The following ARAF variants were observed in gnomAD, a reference collection of about 807,000 sequenced individuals.
ARAF encodes the protein A-Raf proto-oncogene, serine/threonine kinase, also known as serine/threonine-protein kinase A-Raf.
Under a neutral mutation model 48.0 loss-of-function variants are expected in ARAF, and 18 were observed. The ratio of observed to expected loss-of-function variants is 0.37; its 90% CI spans 0.26 to 0.56. The LOEUF is 0.56. Ranked by LOEUF, ARAF falls within the 20% of genes least tolerant of loss-of-function variation. The pLI is 0.77. For synonymous variants in ARAF, 207 were observed against 220.1 expected, an observed-to-expected ratio of 0.94 and a Z score of 0.53; for missense variants, 389 against 543.1, an observed-to-expected ratio of 0.72 and a Z score of 2.82.
At chrX:47,568,095 A>G (rs750935189) in intron 10 of ARAF, among the ~76,000 whole-genome samples, 1 of 110,901 alleles carries the variant, frequency 9.0e-6, no homozygotes, top group Non-Finnish European at 1.9e-5. Context: ...ATTATGTTAC[A>G]GAGAATAAGG....
chrX:47,569,445 G>A (rs761816551), intron 12 of ARAF, 94 bp from the exon 13 acceptor site: 6 of 706,598 alleles, frequency 8.5e-6, no homozygotes, highest in Non-Finnish European at 1.1e-5. Flanking sequence ...AGGATCAGAG[G>A]GATGAGTGGT....
At chrX:47,567,574 G>A in intron 10 of ARAF, 142 bp downstream of exon 10, 1 of 667,890 alleles carries the variant, frequency 1.5e-6, no homozygotes, top group Non-Finnish European at 2.3e-6. Context: ...TCTCTCTGAA[G>A]GGTGTCCCTT....
At chrX:47,567,657 T>G (rs1011137079) in intron 10 of ARAF, among the ~76,000 whole-genome samples, 2 of 111,691 alleles carry the variant, frequency 1.8e-5, no homozygotes, top group Non-Finnish European at 3.8e-5. Flanking sequence ...TATTAATGAA[T>G]GGTTCTGCCT....
chrX:47,566,201 A>G (rs962272187), intron 6 of ARAF, among the ~76,000 whole-genome samples: 1 of 111,881 alleles, frequency 8.9e-6, no homozygotes, highest in Non-Finnish European at 1.9e-5. Flanking sequence ...ATATAATTAT[A>G]AAATATGATA....
chrX:47,564,300 C>A (rs1344596896), intron 3 of ARAF, among the ~76,000 whole-genome samples: 1 of 112,073 alleles, frequency 8.9e-6, no homozygotes, highest in African/African-American at 3.2e-5. Flanking sequence ...TTTGTCCTTT[C>A]ACGATGTCAT....
chrX:47,571,450 T>A lies in ARAF; in HGVS notation c.1814T>A (p.Val605Glu). 8.3e-7 allele frequency: 1 copy of A among 1,203,776 alleles called. No individual in the cohort carries two copies. The highest frequency in any genetic ancestry group is 1.1e-6 in the Non-Finnish European group (1 of 891,705). Residue 605 changes from valine to glutamate, a missense_variant, in exon 16 of 16, where the codon GTG (valine) becomes GAG (glutamate). Coordinates refer to ENST00000377045, the MANE Select transcript of ARAF (RefSeq NM_001654.5). ...PACLLSAARLVP is the reference protein window; with the variant it reads ...PACLLSAARLEP ...TGCCTACTCAGCGCAGCCCGCCTTG[T>A]GCCTTAGGCCCCGCCCAAGCCACCA...
In ARAF at chrX:47,565,061, C is replaced by G. The variant is rs1267267075; in HGVS notation, c.380C>G (p.Thr127Ser). 1 of 1,211,691 alleles carries G rather than the reference C, an allele frequency of 8.3e-7. No individual in the cohort carries two copies. The highest frequency in any genetic ancestry group is 2.2e-5 in the Admixed American group (1 of 46,035). The change falls in exon 5 of 16, where the codon ACC (threonine) becomes AGC (serine). Residue 127 changes from threonine to serine, a missense_variant. Coordinates refer to ENST00000377045, the MANE Select transcript of ARAF (RefSeq NM_001654.5). ...CTGTTCCATGGCTTCCGTTGCCAAA[C>G]CTGTGGCTACAAGTTCCACCAGCAT... ...KFLFHGFRCQ[T>S]CGYKFHQHCS...
chrX:47,562,759 A>C (rs2057715601), intron 1 of ARAF, 150 bp from the exon 2 acceptor site: 5 of 399,888 alleles, frequency 1.3e-5, no homozygotes, highest in Non-Finnish European at 2.2e-5. Flanking sequence ...GAAGGACTTC[A>C]GATGTGAGCA....
intron 13 of ARAF, 49 bp from the exon 14 acceptor site, chrX:47,569,844 G>T: frequency 8.4e-7 from 1 of 1,187,089 alleles, no homozygotes. Flanking sequence ...CTGTGGACCA[G>T]CCATTTGCTG....
intron 14 of ARAF, 21 bp from the exon 15 acceptor site, chrX:47,570,857 C>T: frequency 8.3e-7 from 1 of 1,199,616 alleles, no homozygotes; most frequent in South Asian, 1.8e-5. Context: ...TCACCCCTTT[C>T]CTGCCCCCGT....
In ARAF at chrX:47,564,866, C is replaced by T. The variant is rs1423487801; in HGVS notation, c.270C>T (p.Val90=). 3.3e-6 allele frequency: 4 copies of T among 1,211,296 alleles called. No individual in the cohort carries two copies. The East Asian group carries it at 1.2e-4, about 36-fold the overall frequency. ...PLDGEELIVE[V]LEDVPLTMHN... is the part of the protein sequence containing the mutation. ...ATGGCGAGGAGCTCATTGTCGAGGT[C>T]CTTGAAGATGTCCCGCTGACCATGC... is the stretch of plus-strand genomic sequence containing the variant. Residue 90 remains valine, a synonymous_variant, in exon 4 of 16, where the codon GTC becomes GTT. Coordinates refer to ENST00000377045, the MANE Select transcript of ARAF (RefSeq NM_001654.5).
chrX:47,565,093 T>G lies in ARAF; in HGVS notation c.412T>G (p.Ser138Ala). 1 of 1,211,439 alleles carries G rather than the reference T, an allele frequency of 8.3e-7. No individual in the cohort carries two copies. The highest frequency in any genetic ancestry group is 1.1e-6 in the Non-Finnish European group (1 of 895,393). Residue 138 changes from serine to alanine, a missense_variant, in exon 5 of 16, where the codon TCC becomes GCC. Coordinates refer to ENST00000377045, the MANE Select transcript of ARAF (RefSeq NM_001654.5). ...CTACAAGTTCCACCAGCATTGTTCC[T>G]CCAAGGTCCCCACAGTCTGTGTTGA... ...CGYKFHQHCS[S>A]KVPTVCVDMS...
chrX:47,563,221 C>T lies in ARAF; in HGVS notation c.97-5C>T, dbSNP rs774386947. ...GAGGACCCCTACATCTGCACATACA[C>T]ACAGGTGACTGTCCGGGATGGCATG... On this transcript the variant is annotated splice_polypyrimidine_tract_variant and splice_region_variant and intron_variant, in intron 2 of 15. Transcript: ENST00000377045. The T allele has an allele frequency of 3.3e-5, 40 of 1,206,216 alleles. No homozygotes were observed. The South Asian group carries it at 6.4e-4, about 19-fold the overall frequency.
rs201394917 is a variant in ARAF, at chrX:47,565,162, G to T, written c.458+23G>T. On this transcript the variant is annotated intron_variant, in intron 5 of 15. Transcript: ENST00000377045. The stretch of plus-strand genomic sequence containing the variant: ...ACAGTGAGCCCAGCCTGGGGTGGGT[G>T]GGGGGATGGGGAGCACAGAGGCCCA... The T allele has an allele frequency of 1.2e-5, 15 of 1,206,621 alleles. No homozygotes were observed. The Admixed American group carries it at 3.1e-4, about 25-fold the overall frequency.
At position 47,565,353 on chromosome X, in the gene ARAF, A is replaced by C; in HGVS notation, c.557+3A>C. 2 of 1,208,796 alleles carry C rather than the reference A, an allele frequency of 1.7e-6. No individual in the cohort carries two copies. The highest frequency in any genetic ancestry group is 2.2e-6 in the Non-Finnish European group (2 of 893,270). ...TTGCTAACCCCCCAGGGTCCCAGGTAGGGATGCCTTAGCTGAAGAGCTGCT... is the reference window on the plus strand; with the variant it reads ...TTGCTAACCCCCCAGGGTCCCAGGTCGGGATGCCTTAGCTGAAGAGCTGCT... On this transcript the variant is annotated splice_donor_region_variant and intron_variant, in intron 6 of 15. Transcript: ENST00000377045.
At chrX:47,571,287 C>CA in intron 15 of ARAF, 36 bp from the exon 16 acceptor site, 1 of 1,191,804 alleles carries the variant, frequency 8.4e-7, no homozygotes, top group South Asian at 1.9e-5. Flanking sequence ...GCCCACAGGG[C>CA]TCTGGACACC....
At chrX:47,565,519 C>A in intron 6 of ARAF, 169 bp downstream of exon 6, 1 of 813,932 alleles carries the variant, frequency 1.2e-6, no homozygotes, top group Non-Finnish European at 1.7e-6. Context: ...CCTCATTTCT[C>A]TGGGCCTCAG....
Position 47,571,501 on chromosome X carries a change from C to T in ARAF, c.*44C>T. The T allele has an allele frequency of 1.7e-6, 2 of 1,174,904 alleles. No individual in the cohort carries two copies. Among genetic ancestry groups the T allele is most frequent in the Admixed American group, 4.8e-5 (2 of 42,088 alleles). On this transcript the variant is annotated 3_prime_UTR_variant, in exon 16 of 16. Transcript: ENST00000377045. ...GGGAGCCAATCTCAGCCCTCCACGC[C>T]AAGGAGCCTTGCCCACCAGCCAATC...
At chrX:47,567,895 T>C (rs1272616299) in intron 10 of ARAF, among the ~76,000 whole-genome samples, 2 of 111,631 alleles carry the variant, frequency 1.8e-5, no homozygotes, top group Non-Finnish European at 3.8e-5. Context: ...TTAATTATTA[T>C]AATTGCTGTA....
Sources: allele counts gnomAD v4.1 joint callset (sites outside exome capture counted in the v4.1 genomes callset), GRCh38; gene constraint gnomAD v4.1.1; transcripts MANE v1.5; gene names NCBI Gene and HGNC (gene_info 2026-07-23, HGNC 2026-07-21).